The following BCAP29 variants were observed in gnomAD, a reference collection of about 807,000 sequenced individuals.
The protein encoded by BCAP29 is B cell receptor associated protein 29, also known as B-cell receptor-associated protein 29.
BCAP29 carries 34 observed loss-of-function variants against 31.8 expected under a neutral mutation model. The observed-to-expected ratio is 1.07, with a 90% CI of 0.81 to 1.42. BCAP29 has a LOEUF of 1.42. BCAP29 is among the 40% of genes most tolerant of loss of function. The pLI, the probability that BCAP29 is intolerant of heterozygous loss-of-function variation, is 0.00. For missense variants in BCAP29, 314 were observed against 269.2 expected (o/e 1.17, Z -1.16); for synonymous variants, 104 against 91.3 (o/e 1.14, Z -0.79).
intron 5 of BCAP29, among the ~76,000 whole-genome samples, chr7:107,599,227 T>TTATATATATTTATATATAAATATTTATA (rs1810546168): frequency 1.6e-5 from 1 of 61,634 alleles, no homozygotes; most frequent in African/African-American, 1.1e-4. Context: ...ATATACATAA[T>TTATATATATTTATATATAAATATTTATA]TATATATATT....
At chr7:107,590,820 GAAA>G (rs751097308) in intron 3 of BCAP29, among the ~76,000 whole-genome samples, 4 of 142,276 alleles carry the variant, frequency 2.8e-5, no homozygotes, top group African/African-American at 7.6e-5. Context: ...CCCTGTCTCA[GAAA>G]AAAAAAAAAA....
At chr7:107,585,877 G>T (rs1807574951) in intron 3 of BCAP29, among the ~76,000 whole-genome samples, 3 of 152,070 alleles carry the variant, frequency 2.0e-5, no homozygotes, top group Admixed American at 1.3e-4. Context: ...TGTAATCCCA[G>T]CTACTCAGGA....
At chr7:107,613,692 C>A (rs1340666685) in intron 7 of BCAP29, 1 of 1,605,156 alleles carries the variant, frequency 6.2e-7, no homozygotes, top group South Asian at 1.1e-5. Context: ...AAAGAAGCCA[C>A]AAAAATGGCA....
chr7:107,597,021 G>T (rs911519370), intron 5 of BCAP29, among the ~76,000 whole-genome samples: 2 of 152,186 alleles, frequency 1.3e-5, no homozygotes, highest in Non-Finnish European at 2.9e-5. Flanking sequence ...GCACAGATAT[G>T]CTGGGCTAAA....
At chr7:107,621,888 T>G (rs1364439239), downstream of BCAP29, 1 of 534,512 alleles carries the variant, frequency 1.9e-6, no homozygotes, top group African/African-American at 1.9e-5. Flanking sequence ...TGTGATTATT[T>G]GTTACTGCTG....
chr7:107,597,195 G>A (rs1445699957), intron 5 of BCAP29, among the ~76,000 whole-genome samples: 1 of 152,164 alleles, frequency 6.6e-6, no homozygotes, highest in Non-Finnish European at 1.5e-5. Context: ...TGAAAAATAA[G>A]CTAAGGAAAG....
At chr7:107,582,839 A>G (rs1180506342) in intron 2 of BCAP29, among the ~76,000 whole-genome samples, 1 of 152,118 alleles carries the variant, frequency 6.6e-6, no homozygotes, top group African/African-American at 2.4e-5. Context: ...ATTACCACTT[A>G]TGTTCTCTTA....
At chr7:107,600,211 G>A in intron 5 of BCAP29, 186 bp from the exon 6 acceptor site, 1 of 620,200 alleles carries the variant, frequency 1.6e-6, no homozygotes, top group Non-Finnish European at 2.9e-6. Flanking sequence ...AATCTTTTTT[G>A]TGTGTTTCCC....
chr7:107,609,442 A>G (rs796455531), intron 6 of BCAP29, among the ~76,000 whole-genome samples: 9 of 152,354 alleles, frequency 5.9e-5, no homozygotes, highest in African/African-American at 2.2e-4. Context: ...TAATCTGGAA[A>G]TGAGGACAGT....
intron 4 of BCAP29, among the ~76,000 whole-genome samples, chr7:107,594,716 A>G (rs1563130794): frequency 6.6e-6 from 1 of 151,840 alleles, no homozygotes. Context: ...GTTAGCCAGG[A>G]TGGTCTCGAT....
chr7:107,594,959 T>C (rs898753864), intron 4 of BCAP29, among the ~76,000 whole-genome samples: 4 of 152,248 alleles, frequency 2.6e-5, no homozygotes, highest in Non-Finnish European at 5.9e-5. Context: ...GTCTCTGAGA[T>C]GTACAATACA....
chr7:107,582,610 A>G (rs925441428), intron 2 of BCAP29, among the ~76,000 whole-genome samples: 1 of 152,212 alleles, frequency 6.6e-6, no homozygotes, highest in Non-Finnish European at 1.5e-5. Context: ...AAATGGAGGT[A>G]GTACTAGTGT....
chr7:107,597,664 T>A (rs1172179341), intron 5 of BCAP29, among the ~76,000 whole-genome samples: 1 of 152,234 alleles, frequency 6.6e-6, no homozygotes, highest in Admixed American at 6.5e-5. Context: ...AAAGGTTAAG[T>A]GACTTGTACA....
chr7:107,601,732 A>T (rs1161008818), intron 6 of BCAP29, among the ~76,000 whole-genome samples: 1 of 152,254 alleles, frequency 6.6e-6, no homozygotes, highest in African/African-American at 2.4e-5. Context: ...TTAACCCTGC[A>T]TAAAATATTG....
At chr7:107,610,066 T>A (rs1394957429) in intron 6 of BCAP29, among the ~76,000 whole-genome samples, 1 of 152,234 alleles carries the variant, frequency 6.6e-6, no homozygotes, top group Non-Finnish European at 1.5e-5. Context: ...CTCCCACTTT[T>A]GCAAATAGTT....
At chr7:107,613,769 G>A in intron 7 of BCAP29, 1 of 1,570,538 alleles carries the variant, frequency 6.4e-7, no homozygotes, top group East Asian at 2.2e-5. Flanking sequence ...CCATATTCAT[G>A]CCAAAATGAG....
intron 6 of BCAP29, 45 bp downstream of exon 6, chr7:107,600,550 T>C (rs1373028337): frequency 8.5e-7 from 1 of 1,180,382 alleles, no homozygotes; most frequent in South Asian, 1.3e-5. Flanking sequence ...TAGCATGATA[T>C]TTTATGCTGT....
intron 3 of BCAP29, among the ~76,000 whole-genome samples, chr7:107,590,240 A>G (rs1338927108): frequency 6.6e-6 from 1 of 152,148 alleles, no homozygotes; most frequent in African/African-American, 2.4e-5. Context: ...GAATATTGAC[A>G]GTGAAAAAAA....
At chr7:107,590,657 G>C (rs1808547593) in intron 3 of BCAP29, among the ~76,000 whole-genome samples, 3 of 151,732 alleles carry the variant, frequency 2.0e-5, no homozygotes, top group Admixed American at 2.0e-4. Context: ...GTCTCTACCA[G>C]AAAGTACAAA....
Sources: allele counts gnomAD v4.1 joint callset (sites outside exome capture counted in the v4.1 genomes callset), GRCh38; gene constraint gnomAD v4.1.1; transcripts MANE v1.5; gene names NCBI Gene and HGNC (gene_info 2026-07-23, HGNC 2026-07-21).